UCHL3: variants seen among roughly 807,000 people sequenced by gnomAD.
UCHL3 encodes ubiquitin carboxyl-terminal hydrolase isozyme L3.
UCHL3 carries 22 observed loss-of-function variants against 35.8 expected under a neutral mutation model. That is an observed-to-expected ratio of 0.61 (90% CI 0.44 to 0.88). The LOEUF (loss-of-function observed/expected upper bound fraction) is 0.88. Among genes scored for constraint, UCHL3 ranks in the 40% least tolerant of loss-of-function variants. The probability of loss-of-function intolerance (pLI) is 0.00; values close to 1 mark genes in which losing one functional copy is unlikely to be tolerated. For synonymous variants in UCHL3, 90 were observed against 92.8 expected (o/e 0.97, Z 0.17); for missense variants, 229 against 276.9 (o/e 0.83, Z 1.23).
chr13:75,598,651 T>G (rs1234318716), intron 7 of UCHL3, among the ~76,000 whole-genome samples: 1 of 152,230 alleles, frequency 6.6e-6, no homozygotes, highest in Non-Finnish European at 1.5e-5. Flanking sequence ...CAGGAATAAC[T>G]GCAGAAATAA....
At chr13:75,573,179 G>T (rs775332422) in intron 6 of UCHL3, among the ~76,000 whole-genome samples, 1 of 151,208 alleles carries the variant, frequency 6.6e-6, no homozygotes, top group Non-Finnish European at 1.5e-5. Flanking sequence ...CGGGAGAATC[G>T]CTTGAACTCG....
intron 6 of UCHL3, among the ~76,000 whole-genome samples, chr13:75,583,839 C>G (rs915832982): frequency 1.3e-5 from 2 of 152,092 alleles, no homozygotes; most frequent in African/African-American, 2.4e-5. Flanking sequence ...AAAATTTTAA[C>G]AAATTGCTTA....
intron 2 of UCHL3, among the ~76,000 whole-genome samples, chr13:75,551,430 CAAAA>C (rs56723936): frequency 2.3e-5 from 2 of 86,144 alleles, no homozygotes; most frequent in Non-Finnish European, 2.4e-5. Flanking sequence ...GACTCTGTCT[CAAAA>C]AAAAAAAAAA....
At chr13:75,584,733 G>A (rs1203718719) in intron 6 of UCHL3, among the ~76,000 whole-genome samples, 1 of 152,124 alleles carries the variant, frequency 6.6e-6, no homozygotes, top group African/African-American at 2.4e-5. Flanking sequence ...TATCACATGG[G>A]TAATATCAGC....
chr13:75,587,073 A>G (rs2032346904), intron 6 of UCHL3, among the ~76,000 whole-genome samples: 2 of 151,832 alleles, frequency 1.3e-5, no homozygotes, highest in African/African-American at 4.8e-5. Flanking sequence ...AGGTAGAAAT[A>G]ACAAAGGTAA....
chr13:75,550,899 A>G (rs940791317), intron 2 of UCHL3, among the ~76,000 whole-genome samples: 7 of 152,184 alleles, frequency 4.6e-5, no homozygotes, highest in Non-Finnish European at 8.8e-5. Flanking sequence ...ACAAAGAGAC[A>G]TCCTCTGTCT....
chr13:75,569,383 A>G, intron 5 of UCHL3, 77 bp from the exon 6 acceptor site: 2 of 1,195,192 alleles, frequency 1.7e-6, no homozygotes, highest in Non-Finnish European at 2.4e-6. Flanking sequence ...TAGGTGTTAA[A>G]ATTTAGCTTT....
rs372248094 is a variant in UCHL3, at chr13:75,561,746, TC to T, written c.183+866del. Among the ~76,000 whole-genome samples the T allele has an allele frequency of 2.0e-5, 3 of 151,470 alleles. No homozygotes were observed. In the South Asian group the frequency reaches 6.2e-4, roughly 32 times the overall value. On this transcript the variant is annotated intron_variant, in intron 3 of 8. Coordinates refer to ENST00000377595, the MANE Select transcript of UCHL3 (RefSeq NM_006002.5). ...TTAAATTCAAGTCTACATATTTTAG[TC>T]TTTTTTTCTAGAATGATATATGTGT...
chr13:75,578,103 A>T (rs1183821368), intron 6 of UCHL3, among the ~76,000 whole-genome samples: 1 of 152,182 alleles, frequency 6.6e-6, no homozygotes, highest in Non-Finnish European at 1.5e-5. Context: ...TTTTTTTAGT[A>T]CATTTTAAGA....
intron 6 of UCHL3, among the ~76,000 whole-genome samples, chr13:75,574,282 AT>A (rs200631129): frequency 3.7e-4 from 56 of 150,442 alleles, no homozygotes; most frequent in African/African-American, 1.3e-3. Context: ...GTCCTTCTGT[AT>A]TTTTTTTTAT....
chr13:75,568,020 T>C (rs2031739051), intron 5 of UCHL3, among the ~76,000 whole-genome samples: 1 of 152,172 alleles, frequency 6.6e-6, no homozygotes, highest in Non-Finnish European at 1.5e-5. Flanking sequence ...TAGACCATAC[T>C]GTAGCTATTT....
chr13:75,600,604 T>C (rs892086757), intron 7 of UCHL3, among the ~76,000 whole-genome samples: 1 of 152,220 alleles, frequency 6.6e-6, no homozygotes. Flanking sequence ...TCTTAAGCCC[T>C]CTGTTGAGAC....
At chr13:75,549,663 T>C, upstream of UCHL3, 1 of 757,872 alleles carries the variant, frequency 1.3e-6, no homozygotes, top group Non-Finnish European at 2.0e-6. Flanking sequence ...CACGGAGCGG[T>C]TAAGAGGGTG....
chr13:75,580,859 A>G (rs561908055), intron 6 of UCHL3, among the ~76,000 whole-genome samples: 7 of 152,352 alleles, frequency 4.6e-5, no homozygotes, highest in African/African-American at 1.7e-4. Flanking sequence ...CGTGTAGGTA[A>G]TACAAATTGC....
At chr13:75,578,490 TAATTGTACATAC>T (rs975374515) in intron 6 of UCHL3, among the ~76,000 whole-genome samples, 1 of 152,134 alleles carries the variant, frequency 6.6e-6, no homozygotes, top group African/African-American at 2.4e-5. Flanking sequence ...ACTGTGCTTA[TAATTGTACATAC>T]AAAGATAAGT....
chr13:75,585,813 G>A (rs1208005987), intron 6 of UCHL3, among the ~76,000 whole-genome samples: 2 of 152,028 alleles, frequency 1.3e-5, no homozygotes, highest in Admixed American at 6.6e-5. Flanking sequence ...AATACTGTTT[G>A]AAGGTACTCC....
In UCHL3 at chr13:75,560,881, G is replaced by T; in HGVS notation, c.183G>T (p.Lys61Asn). ...TACTTCTCTTTCCTATTACAGAAAA[G>T]GTAATTGTTATGTAAAATAGAAAGT... ...AVLLLFPITE[K>N]YEVFRTEEEE... Residue 61 changes from lysine to asparagine, a missense_variant and splice_region_variant, in exon 3 of 9, where the codon AAG becomes AAT. Transcript: ENST00000377595. 2 of 1,505,014 alleles carry T rather than the reference G, an allele frequency of 1.3e-6. No homozygotes were observed. Among genetic ancestry groups the T allele is most frequent in the Admixed American group, 2.5e-5 (1 of 39,398 alleles). 93.2% of individuals were successfully genotyped at this position (1,505,014 alleles called of 1,614,324 possible). A position where few individuals can be genotyped will look rare whatever the true frequency, so the allele number is the denominator to read the frequency against.
chr13:75,584,376 A>G (rs2032266686), intron 6 of UCHL3, among the ~76,000 whole-genome samples: 3 of 152,206 alleles, frequency 2.0e-5, no homozygotes, highest in Non-Finnish European at 4.4e-5. Context: ...GCATTGAAAA[A>G]GAAAACATCC....
intron 6 of UCHL3, among the ~76,000 whole-genome samples, chr13:75,583,376 G>T (rs939332582): frequency 6.6e-6 from 1 of 152,062 alleles, no homozygotes; most frequent in Non-Finnish European, 1.5e-5. Context: ...TCCTTCCTCT[G>T]TTATATAAGT....
Sources: allele counts gnomAD v4.1 joint callset (sites outside exome capture counted in the v4.1 genomes callset), GRCh38; gene constraint gnomAD v4.1.1; transcripts MANE v1.5; gene names NCBI Gene and HGNC (gene_info 2026-07-23, HGNC 2026-07-21).